MYO3B: variants seen among roughly 807,000 people sequenced by gnomAD.
MYO3B encodes the protein myosin-IIIb.
In MYO3B, 156 loss-of-function variants were observed where a neutral mutation model predicts 174.6. That is an observed-to-expected ratio of 0.89 (90% confidence interval 0.78 to 1.02). MYO3B has a LOEUF of 1.02. Ranked by LOEUF, MYO3B falls within the 50% of genes least tolerant of loss-of-function variation. The pLI is 0.00. For synonymous variants in MYO3B, 563 were observed against 569.1 expected (o/e 0.99, Z 0.15); for missense variants, 1,632 against 1,639.4 (o/e 1.00, Z 0.08).
At chr2:170,430,873 A>G (rs191297557) in intron 22 of MYO3B, among the ~76,000 whole-genome samples, 146 of 152,090 alleles carry the variant, frequency 9.6e-4, no homozygotes, top group African/African-American at 3.3e-3. Flanking sequence ...AAGTAGGGGG[A>G]ATTAGATATT....
At chr2:170,282,669 A>G (rs2093521263) in intron 7 of MYO3B, among the ~76,000 whole-genome samples, 1 of 151,886 alleles carries the variant, frequency 6.6e-6, no homozygotes, top group Non-Finnish European at 1.5e-5. Context: ...ATAGGGATGC[A>G]TTGACTCTGT....
chr2:170,475,349 C>T (rs1395934633), intron 25 of MYO3B, among the ~76,000 whole-genome samples: 1 of 152,174 alleles, frequency 6.6e-6, no homozygotes, highest in East Asian at 1.9e-4. Flanking sequence ...CTCCTGAGCT[C>T]AAGCAATTCT....
At chr2:170,331,245 G>A (rs963785145) in intron 7 of MYO3B, among the ~76,000 whole-genome samples, 14 of 152,142 alleles carry the variant, frequency 9.2e-5, no homozygotes, top group African/African-American at 3.1e-4. Flanking sequence ...ATCATGCAAA[G>A]GAGTTAACAT....
intron 22 of MYO3B, among the ~76,000 whole-genome samples, chr2:170,422,730 A>T (rs1214678761): frequency 6.6e-6 from 1 of 152,090 alleles, no homozygotes; most frequent in African/African-American, 2.4e-5. Context: ...TGCTGGGATT[A>T]CAGGTATGAG....
chr2:170,203,218 A>G (rs10177380), intron 3 of MYO3B, among the ~76,000 whole-genome samples: 65,047 of 152,048 alleles, frequency 0.43, 14,030 homozygotes, highest in African/African-American at 0.51. Context: ...CATGATGCTC[A>G]GAAAAAATAC....
At chr2:170,325,097 G>GT (rs1279315978) in intron 7 of MYO3B, among the ~76,000 whole-genome samples, 1 of 152,118 alleles carries the variant, frequency 6.6e-6, no homozygotes, top group Non-Finnish European at 1.5e-5. Context: ...CTCCATCTCA[G>GT]TAGAGGTAGC....
chr2:170,536,163 T>G (rs1228267412), intron 30 of MYO3B, among the ~76,000 whole-genome samples: 1 of 152,126 alleles, frequency 6.6e-6, no homozygotes, highest in African/African-American at 2.4e-5. Context: ...GGCTCACGGT[T>G]GGGGAAAAGC....
At position 170,307,308 on chromosome 2, in the gene MYO3B, T is replaced by G. The variant is rs147538002; in HGVS notation, c.750-28077T>G. On this transcript the variant is annotated intron_variant, in intron 7 of 34. Transcript: ENST00000408978. ...ATTTACTTTAGGTTGCTCATAATAT[T>G]ATTTGCTTTTCTCTTGACTATTGGC... is the stretch of plus-strand genomic sequence containing the variant. Among the ~76,000 whole-genome samples the G allele has an allele frequency of 2.6e-3, 396 of 151,752 alleles. 2 individuals are homozygous for G. Among genetic ancestry groups the G allele is most frequent in the Non-Finnish European group, 4.7e-3 (318 of 67,944 alleles).
At chr2:170,564,128 G>A (rs1300654363) in intron 32 of MYO3B, among the ~76,000 whole-genome samples, 1 of 150,478 alleles carries the variant, frequency 6.6e-6, no homozygotes, top group African/African-American at 2.5e-5. Context: ...TTCTTCATGA[G>A]ATATCAAGAC....
At position 170,653,113 on chromosome 2, in the gene MYO3B, CAACATTAA is replaced by C; in HGVS notation, c.4020_*1del. 1 of 1,614,102 alleles carries C rather than the reference CAACATTAA, an allele frequency of 6.2e-7. No individual in the cohort carries two copies. Among genetic ancestry groups the C allele is most frequent in the Non-Finnish European group, 8.5e-7 (1 of 1,180,028 alleles). On this transcript the variant is annotated frameshift_variant and stop_lost, in exon 35 of 35. Transcript: ENST00000408978. LOFTEE classifies it high-confidence loss of function. ...ATCCTCAAAAGGAGACTCTTTTGCT[CAACATTAA>C]ATTGTGCTTCCTAACCCTAAATCTG...
chr2:170,401,835 C>T lies in MYO3B; in HGVS notation c.2129+144C>T, dbSNP rs1375955752. 12 of 752,542 alleles carry T rather than the reference C, an allele frequency of 1.6e-5. No individual in the cohort carries two copies. The South Asian group carries it at 2.1e-4, about 13-fold the overall frequency. 46.6% of individuals were successfully genotyped at this position (752,542 alleles called of 1,614,324 possible). On this transcript the variant is annotated intron_variant, in intron 18 of 34. Coordinates refer to ENST00000408978, the MANE Select transcript of MYO3B (RefSeq NM_138995.5). Reference sequence around the variant, plus strand: ...TTTTTTTTGTGGAGTCAGAGTCTCACGCTGTTGCCCAGGCCGGAGTGCAGT... The same window carrying T: ...TTTTTTTTGTGGAGTCAGAGTCTCATGCTGTTGCCCAGGCCGGAGTGCAGT...
intron 32 of MYO3B, among the ~76,000 whole-genome samples, chr2:170,612,588 A>C (rs1222264901): frequency 6.6e-6 from 1 of 152,204 alleles, no homozygotes; most frequent in African/African-American, 2.4e-5. Context: ...TCAAATGAGC[A>C]ACAAGGAACA....
At chr2:170,410,332 G>C (rs894963629) in intron 22 of MYO3B, among the ~76,000 whole-genome samples, 1 of 152,062 alleles carries the variant, frequency 6.6e-6, no homozygotes, top group Non-Finnish European at 1.5e-5. Context: ...TTGGGAGGCC[G>C]AGGCAGGCGG....
chr2:170,200,245 G>T lies in MYO3B; in HGVS notation c.282G>T (p.Ala94=), dbSNP rs371141994. 2.5e-6 allele frequency: 4 copies of T among 1,613,218 alleles called. No homozygotes were observed. The highest frequency in any genetic ancestry group is 1.7e-5 in the Admixed American group (1 of 59,916). ...AGTTTTATGGGATGTTTTACAAAGCGGATCACTGTGTAGGGGGACAGCTGT... is the reference window on the plus strand; with the variant it reads ...AGTTTTATGGGATGTTTTACAAAGCTGATCACTGTGTAGGGGGACAGCTGT... ...VVKFYGMFYK[A]DHCVGGQLWL... is the part of the protein sequence containing the mutation. Residue 94 remains alanine (A), a synonymous_variant, in exon 3 of 35, where the codon GCG becomes GCT. Transcript: ENST00000408978.
chr2:170,653,034 A>G lies in MYO3B; in HGVS notation c.3939A>G (p.Pro1313=). Residue 1313 remains proline (P), a synonymous_variant, in exon 35 of 35, where the codon CCA becomes CCG. Transcript: ENST00000408978. ...GEDEYYKSLS[P]VDCIPEENNS... ...ATGAATATTACAAATCTCTGTCACC[A>G]GTGGACTGTATCCCTGAGGAGAACA... 1 of 1,614,148 alleles carries G rather than the reference A, an allele frequency of 6.2e-7. No individual in the cohort carries two copies. Among genetic ancestry groups the G allele is most frequent in the Non-Finnish European group, 8.5e-7 (1 of 1,179,966 alleles).
chr2:170,403,075 T>A (rs2094488460), intron 19 of MYO3B, 80 bp downstream of exon 19: 1 of 1,378,638 alleles, frequency 7.3e-7, no homozygotes, highest in African/African-American at 1.4e-5. Context: ...GCAGAAACCC[T>A]GTAGACTAAC....
In MYO3B at chr2:170,463,377, CTG is replaced by C; in HGVS notation, c.2741_2742del (p.Leu914ArgfsTer44). ...CCACCTATGCTTCCAGGTGGACACT[CTG>C]GAGGTGATACGGCATCCGGAAGAAA... ...FSAGKAKVDT[L>X]EVIRHPEETT... On this transcript the variant is annotated frameshift_variant, in exon 24 of 35. Coordinates refer to ENST00000408978, the MANE Select transcript of MYO3B (RefSeq NM_138995.5). LOFTEE classifies it high-confidence loss of function. 1 of 1,613,822 alleles carries C rather than the reference CTG, an allele frequency of 6.2e-7. No homozygotes were observed. The highest frequency in any genetic ancestry group is 1.7e-5 in the Admixed American group (1 of 60,020).
At chr2:170,632,317 A>C (rs1243902978) in intron 32 of MYO3B, among the ~76,000 whole-genome samples, 1 of 152,232 alleles carries the variant, frequency 6.6e-6, no homozygotes, top group Non-Finnish European at 1.5e-5. Context: ...ACTCAGGATT[A>C]AGAAACTCAC....
At chr2:170,578,810 T>C (rs1692956021) in intron 32 of MYO3B, among the ~76,000 whole-genome samples, 1 of 152,230 alleles carries the variant, frequency 6.6e-6, no homozygotes, top group Admixed American at 6.5e-5. Context: ...CCTCAGCCTG[T>C]TGTGGCATTA....
Sources: allele counts gnomAD v4.1 joint callset (sites outside exome capture counted in the v4.1 genomes callset), GRCh38; gene constraint gnomAD v4.1.1; transcripts MANE v1.5; gene names NCBI Gene and HGNC (gene_info 2026-07-23, HGNC 2026-07-21).